IL4I1: variants seen among roughly 807,000 people sequenced by gnomAD.
The protein encoded by IL4I1 is interleukin 4 induced 1.
Under a neutral mutation model 29.7 loss-of-function variants are expected in IL4I1, and 24 were observed. The ratio of observed to expected loss-of-function variants is 0.81; its 90% CI spans 0.59 to 1.14. IL4I1 has a LOEUF of 1.14. IL4I1 is among the 50% of genes most tolerant of loss of function. The pLI is 0.00. For missense variants in IL4I1, 686 were observed against 785.6 expected (o/e 0.87, Z 1.52); for synonymous variants, 371 against 352.5 (o/e 1.05, Z -0.59).
intron 2 of IL4I1, among the ~76,000 whole-genome samples, chr19:49,920,462 C>T (rs774036543): frequency 7.2e-5 from 11 of 152,134 alleles, no homozygotes; most frequent in Non-Finnish European, 4.4e-5. Context: ...CGTACTAAAG[C>T]CACTAAGTTG....
At chr19:49,912,606 G>A (rs915330180) in intron 2 of IL4I1, among the ~76,000 whole-genome samples, 1 of 151,784 alleles carries the variant, frequency 6.6e-6, no homozygotes. Context: ...GCTCACGCCT[G>A]TAATCCCAGC....
chr19:49,907,366 TTCC>T, intron 2 of IL4I1: 1 of 325,456 alleles, frequency 3.1e-6, no homozygotes, highest in Non-Finnish European at 5.9e-6. Context: ...CCATCTGTGG[TTCC>T]TCAACACCCT....
intron 1 of IL4I1, 85 bp from the exon 2 acceptor site, chr19:49,896,267 T>C (rs2075209422): frequency 1.4e-6 from 2 of 1,432,980 alleles, no homozygotes; most frequent in African/African-American, 1.4e-5. Context: ...GCTGCCCAGC[T>C]GCTAGAGCCG....
chr19:49,918,210 C>T (rs1244019006), intron 2 of IL4I1, among the ~76,000 whole-genome samples: 1 of 152,082 alleles, frequency 6.6e-6, no homozygotes, highest in Non-Finnish European at 1.5e-5. Context: ...GGACTACAGG[C>T]ATACGCCGCC....
intron 2 of IL4I1, among the ~76,000 whole-genome samples, chr19:49,914,476 C>T (rs1263622592): frequency 2.6e-5 from 4 of 152,150 alleles, no homozygotes; most frequent in African/African-American, 9.7e-5. Flanking sequence ...CTGGCAGAGC[C>T]GCCAGTCCCT....
chr19:49,924,887 C>A (rs948330172), intron 2 of IL4I1, among the ~76,000 whole-genome samples: 1 of 152,166 alleles, frequency 6.6e-6, no homozygotes, highest in African/African-American at 2.4e-5. Flanking sequence ...GAAGCAGAGT[C>A]CCTGCCCAGA....
At chr19:49,914,539 G>A (rs2075568489) in intron 2 of IL4I1, among the ~76,000 whole-genome samples, 1 of 152,008 alleles carries the variant, frequency 6.6e-6, no homozygotes, top group Admixed American at 6.6e-5. Context: ...AAACAACACG[G>A]CCGCCTTCAC....
At position 49,890,491 on chromosome 19, in the gene IL4I1, G is replaced by C; in HGVS notation, c.883C>G (p.His295Asp). 6.2e-7 allele frequency: 1 copy of C among 1,611,666 alleles called. No homozygotes were observed. Among genetic ancestry groups the C allele is most frequent in the Non-Finnish European group, 8.5e-7 (1 of 1,179,824 alleles). ...APVVAMTQGP[H>D]DVHVQIETSP... is the part of the protein sequence containing the mutation. ...GTCTCGATCTGCACGTGCACATCGT[G>C]CGGTCCCTGGGTCATCGCCACCACG... Residue 295 changes from histidine (H) to aspartate (D), a missense_variant, in exon 8 of 8, where the codon CAC (histidine) becomes GAC (aspartate). Physicochemically the swap from His to Asp is moderately conservative, Grantham distance 81 (BLOSUM62 -1). Coordinates refer to ENST00000391826, the MANE Select transcript of IL4I1 (RefSeq NM_152899.2).
upstream of IL4I1, among the ~76,000 whole-genome samples, chr19:49,899,570 T>TA (rs2075252697): frequency 6.6e-6 from 1 of 151,194 alleles, no homozygotes; most frequent in African/African-American, 2.4e-5. Context: ...TTGTTTTTTT[T>TA]AATTGAGACG....
At chr19:49,898,167 A>G (rs979848304), upstream of IL4I1, among the ~76,000 whole-genome samples, 1 of 151,980 alleles carries the variant, frequency 6.6e-6, no homozygotes, top group African/African-American at 2.4e-5. Flanking sequence ...CTAAAAATAT[A>G]AAAATTAGCC....
intron 5 of IL4I1, 140 bp from the exon 6 acceptor site, chr19:49,891,613 C>T: frequency 1.4e-6 from 1 of 700,222 alleles, no homozygotes; most frequent in Non-Finnish European, 2.5e-6. Context: ...TGGGCTTTTG[C>T]CCACACCATG....
chr19:49,904,506 TG>T (rs2075298536), intron 2 of IL4I1, among the ~76,000 whole-genome samples: 1 of 152,070 alleles, frequency 6.6e-6, no homozygotes, highest in South Asian at 2.1e-4. Flanking sequence ...TTATTCAGAG[TG>T]GGGTGCTCAA....
chr19:49,925,300 A>G (rs937383941), intron 2 of IL4I1, among the ~76,000 whole-genome samples: 2 of 151,662 alleles, frequency 1.3e-5, no homozygotes, highest in Non-Finnish European at 1.5e-5. Context: ...CAAAACAAAA[A>G]ACCCAGGCCG....
intron 1 of IL4I1, chr19:49,928,129 C>G (rs1322748449): frequency 6.6e-6 from 1 of 152,250 alleles, no homozygotes; most frequent in Non-Finnish European, 1.5e-5. Context: ...ATGAGGGAGA[C>G]AGAAGAATGA....
chr19:49,897,767 G>A (rs562811624), upstream of IL4I1, among the ~76,000 whole-genome samples: 152 of 152,182 alleles, frequency 1.0e-3, 1 homozygote, highest in African/African-American at 3.5e-3. Flanking sequence ...GTGGGGGAGA[G>A]GGAGCCAGGG....
At chr19:49,890,938 CCCCCCCCCCT>C in intron 7 of IL4I1, 23 bp downstream of exon 7, 1 of 359,816 alleles carries the variant, frequency 2.8e-6, no homozygotes, top group Non-Finnish European at 4.7e-6. Context: ...TGCCCCCCGC[CCCCCCCCCCT>C]GCCCGCCAGC....
intron 2 of IL4I1, among the ~76,000 whole-genome samples, chr19:49,915,430 G>A (rs774805509): frequency 6.6e-5 from 10 of 152,110 alleles, no homozygotes; most frequent in Non-Finnish European, 1.2e-4. Flanking sequence ...AGGCGGCTTC[G>A]GCCTCTAGAG....
At chr19:49,905,399 C>T (rs539053261) in intron 2 of IL4I1, among the ~76,000 whole-genome samples, 3 of 152,222 alleles carry the variant, frequency 2.0e-5, no homozygotes, top group South Asian at 4.1e-4. Context: ...GGACTCAAGG[C>T]CTCCCTTCCG....
intron 5 of IL4I1, 99 bp downstream of exon 5, chr19:49,894,169 G>C: frequency 8.6e-7 from 1 of 1,164,852 alleles, no homozygotes. Context: ...CCCATGGAGG[G>C]GACTGAAGGG....
Sources: gnomAD v4.1 joint callset for allele counts (sites outside exome capture counted in the v4.1 genomes callset) on GRCh38, gnomAD v4.1.1 for gene constraint, MANE v1.5 for transcripts, NCBI Gene and HGNC (gene_info 2026-07-23, HGNC 2026-07-21) for gene names.